The following LRP1B variants were observed in gnomAD, a reference collection of about 807,000 sequenced individuals.
LRP1B encodes LDL receptor related protein 1B.
A neutral mutation model predicts 556.6 loss-of-function variants in LRP1B; 217 were observed. The observed-to-expected ratio is 0.39, with a 90% CI of 0.35 to 0.44. LRP1B has a LOEUF of 0.44. Ranked by LOEUF, LRP1B falls within the 20% of genes least tolerant of loss-of-function variation. The pLI is 1.00. For missense variants in LRP1B, 5,053 were observed against 5,620.8 expected (o/e 0.90, Z 3.23); for synonymous variants, 2,047 against 1,865.8 (o/e 1.10, Z -2.50).
rs1686593586 is a variant in LRP1B at position 140,700,488 on chromosome 2, G to A, written c.6561C>T (p.Gly2187=). ...TTGTTCTTCCTGAATACAGTAAATA[G>A]CCTTCATGCCTCAGGCAAGTAACTC... ...EDGVTCLRHE[G]YLLYSGRTIL... Residue 2187 remains glycine (G), a synonymous_variant, in exon 41 of 91, where the codon GGC becomes GGT. Coordinates refer to ENST00000389484, the MANE Select transcript of LRP1B (RefSeq NM_018557.3). The A allele has an allele frequency of 6.2e-7, 1 of 1,613,382 alleles. No individual in the cohort carries two copies.
At chr2:141,112,069 A>ATAC (rs1553461491) in intron 7 of LRP1B, among the ~76,000 whole-genome samples, 1 of 80,302 alleles carries the variant, frequency 1.2e-5, no homozygotes, top group Non-Finnish European at 2.6e-5. Context: ...TAAATAAATA[A>ATAC]ATAATAAATA....
chr2:141,218,437 T>C (rs1486848083), intron 6 of LRP1B, among the ~76,000 whole-genome samples: 2 of 152,236 alleles, frequency 1.3e-5, no homozygotes, highest in Non-Finnish European at 2.9e-5. Flanking sequence ...GTATACCCAA[T>C]AGAACACTAT....
At chr2:140,595,887 AC>A (rs1342449728) in intron 43 of LRP1B, among the ~76,000 whole-genome samples, 1 of 152,176 alleles carries the variant, frequency 6.6e-6, no homozygotes, top group Non-Finnish European at 1.5e-5. Flanking sequence ...AAAGAAGTAA[AC>A]TTCCAACTTT....
chr2:142,123,242 C>T (rs1431752351), intron 1 of LRP1B, among the ~76,000 whole-genome samples: 1 of 151,952 alleles, frequency 6.6e-6, no homozygotes, highest in African/African-American at 2.4e-5. Flanking sequence ...TATCTTTTCT[C>T]ATTTTAAGAA....
chr2:140,521,766 T>A, intron 49 of LRP1B, among the ~76,000 whole-genome samples: 1 of 152,082 alleles, frequency 6.6e-6, no homozygotes, highest in East Asian at 1.9e-4. Context: ...CCTTCTGCCA[T>A]CTTCAAGAGA....
At chr2:141,427,263 T>G (rs190029455) in intron 3 of LRP1B, among the ~76,000 whole-genome samples, 37 of 152,344 alleles carry the variant, frequency 2.4e-4, no homozygotes, top group Middle Eastern at 3.4e-3. Flanking sequence ...GTATGAAATA[T>G]GTAATGTATT....
chr2:140,712,994 A>G (rs908669241), intron 37 of LRP1B, among the ~76,000 whole-genome samples: 5 of 151,626 alleles, frequency 3.3e-5, no homozygotes, highest in African/African-American at 1.2e-4. Flanking sequence ...AACTATAAGC[A>G]TTCTTCATTT....
intron 3 of LRP1B, among the ~76,000 whole-genome samples, chr2:141,399,064 T>A (rs1381644008): frequency 6.6e-6 from 1 of 152,276 alleles, no homozygotes; most frequent in Non-Finnish European, 1.5e-5. Flanking sequence ...GAGACCAGTC[T>A]GTCCAACATG....
chr2:140,410,514 T>C (rs937736406), intron 66 of LRP1B, among the ~76,000 whole-genome samples: 1 of 151,844 alleles, frequency 6.6e-6, no homozygotes, highest in Non-Finnish European at 1.5e-5. Context: ...TGTAGAATCA[T>C]ATTTATCAGA....
At chr2:141,693,421 T>C (rs1473912057) in intron 2 of LRP1B, among the ~76,000 whole-genome samples, 1 of 152,090 alleles carries the variant, frequency 6.6e-6, no homozygotes, top group Non-Finnish European at 1.5e-5. Flanking sequence ...TTATTAAAGA[T>C]ATTAGTTAAT....
chr2:140,960,668 A>G (rs1402958115), intron 18 of LRP1B, among the ~76,000 whole-genome samples: 1 of 151,906 alleles, frequency 6.6e-6, no homozygotes, highest in Non-Finnish European at 1.5e-5. Flanking sequence ...TAGCTCACAC[A>G]TGTTTACCAG....
At chr2:141,577,097 A>G (rs1357240014) in intron 2 of LRP1B, among the ~76,000 whole-genome samples, 1 of 152,184 alleles carries the variant, frequency 6.6e-6, no homozygotes, top group Admixed American at 6.5e-5. Context: ...TGCAACTAGA[A>G]CAGTGATCAT....
chr2:140,465,938 A>G (rs892899817), intron 60 of LRP1B, among the ~76,000 whole-genome samples: 2 of 152,182 alleles, frequency 1.3e-5, no homozygotes, highest in Admixed American at 6.5e-5. Context: ...ACAGCAGCAC[A>G]TCAACACCAT....
At chr2:140,970,714 CTTTTTTTTTTTTTTTTTTTTTTT>C (rs571691521) in intron 18 of LRP1B, among the ~76,000 whole-genome samples, 246 of 12,200 alleles carry the variant, frequency 0.02, 1 homozygote, top group African/African-American at 0.056. Flanking sequence ...ATTTTTTAAC[CTTTTTTTTTTTTTTTTTTTTTTT>C]TTTTTTTTTT....
intron 1 of LRP1B, among the ~76,000 whole-genome samples, chr2:142,019,351 G>A (rs1189919097): frequency 6.6e-6 from 1 of 152,122 alleles, no homozygotes; most frequent in African/African-American, 2.4e-5. Flanking sequence ...TATGATACAC[G>A]ATAACCTTGG....
At chr2:141,917,759 T>C (rs887717684) in intron 1 of LRP1B, among the ~76,000 whole-genome samples, 6 of 152,208 alleles carry the variant, frequency 3.9e-5, no homozygotes, top group African/African-American at 1.2e-4. Flanking sequence ...GTCACAATTA[T>C]GTAATTTACT....
At chr2:140,400,556 T>A (rs1173811289) in intron 66 of LRP1B, among the ~76,000 whole-genome samples, 1 of 152,194 alleles carries the variant, frequency 6.6e-6, no homozygotes, top group Admixed American at 6.5e-5. Flanking sequence ...AACTCCCAAT[T>A]TGAGACAAGA....
chr2:141,754,529 C>T (rs1300578540), intron 2 of LRP1B, among the ~76,000 whole-genome samples: 2 of 152,108 alleles, frequency 1.3e-5, no homozygotes, highest in Non-Finnish European at 2.9e-5. Context: ...GTTTAGAACG[C>T]CATTCAGTGG....
At position 140,910,822 on chromosome 2, in the gene LRP1B, C is replaced by T. The variant is rs543929319; in HGVS notation, c.3320-2745G>A. Reference sequence around the variant, plus strand: ...GATTTGACAATAATGTAAGAAACAGCACAAATGTTGAAAATTGTGATAACC... The same window carrying T: ...GATTTGACAATAATGTAAGAAACAGTACAAATGTTGAAAATTGTGATAACC... On this transcript the variant is annotated intron_variant, in intron 21 of 90. Coordinates refer to ENST00000389484, the MANE Select transcript of LRP1B (RefSeq NM_018557.3). Among the ~76,000 whole-genome samples the T allele has an allele frequency of 5.9e-5, 9 of 151,902 alleles. No homozygotes were observed. The South Asian group carries it at 1.9e-3, about 32-fold the overall frequency.
Sources: allele counts gnomAD v4.1 joint callset (sites outside exome capture counted in the v4.1 genomes callset), GRCh38; gene constraint gnomAD v4.1.1; transcripts MANE v1.5; gene names NCBI Gene and HGNC (gene_info 2026-07-23, HGNC 2026-07-21).